The following NLGN1 variants were observed in gnomAD, a reference collection of about 807,000 sequenced individuals.
NLGN1 encodes the protein neuroligin 1, also known as neuroligin-1.
NLGN1 carries 12 observed loss-of-function variants against 65.5 expected under a neutral mutation model. The ratio of observed to expected loss-of-function variants is 0.18; its 90% CI spans 0.12 to 0.30. The LOEUF (loss-of-function observed/expected upper bound fraction) is 0.30. NLGN1 is among the 10% of genes least tolerant of loss of function. The pLI is 1.00. For synonymous variants in NLGN1, 350 were observed against 359.5 expected (o/e 0.97, Z 0.30); for missense variants, 750 against 1,007.1 (o/e 0.74, Z 3.46).
At chr3:173,997,334 C>A (rs1423330780) in intron 4 of NLGN1, among the ~76,000 whole-genome samples, 3 of 152,008 alleles carry the variant, frequency 2.0e-5, no homozygotes, top group Non-Finnish European at 4.4e-5. Context: ...AGAGGAGGCA[C>A]CAGACATCCA....
intron 2 of NLGN1, among the ~76,000 whole-genome samples, chr3:173,543,712 T>C (rs917593344): frequency 3.5e-4 from 54 of 152,270 alleles, no homozygotes; most frequent in Non-Finnish European, 1.6e-4. Flanking sequence ...TTTATTTATA[T>C]GTGCAATTTA....
In NLGN1 at chr3:173,918,396, G is replaced by A. The variant is rs547358459; in HGVS notation, c.646+110564G>A. 1.0e-3 allele frequency among the ~76,000 whole-genome samples: 159 copies of A among 152,144 alleles called. 1 individual carries two copies. The South Asian group carries it at 0.012, about 12-fold the overall frequency. On this transcript the variant is annotated intron_variant, in intron 4 of 6. Coordinates refer to ENST00000457714, the Ensembl canonical transcript of NLGN1. ...TCACACCTGTAATCCCAGCACTTTGGGGGGCCGAGGCAGGCAGATCACGAG... is the reference window on the plus strand; with the variant it reads ...TCACACCTGTAATCCCAGCACTTTGAGGGGCCGAGGCAGGCAGATCACGAG...
intron 2 of NLGN1, among the ~76,000 whole-genome samples, chr3:173,600,200 T>TCACAC (rs1187383560): frequency 0.13 from 19,140 of 144,760 alleles, 1,226 homozygotes; most frequent in Middle Eastern, 0.23. Context: ...TACATGTGTG[T>TCACAC]ACACACACAC....
intron 2 of NLGN1, among the ~76,000 whole-genome samples, chr3:173,572,249 A>T (rs1054913068): frequency 6.6e-6 from 1 of 152,164 alleles, no homozygotes; most frequent in Non-Finnish European, 1.5e-5. Context: ...GAAGGAGGGG[A>T]CCAAATATTG....
At chr3:174,019,240 A>C (rs147598823) in intron 4 of NLGN1, among the ~76,000 whole-genome samples, 1 of 152,296 alleles carries the variant, frequency 6.6e-6, no homozygotes, top group Non-Finnish European at 1.5e-5. Flanking sequence ...TGGAAACTTA[A>C]TCCCTAAATT....
chr3:173,685,131 G>A (rs997195065), intron 3 of NLGN1, among the ~76,000 whole-genome samples: 2 of 152,106 alleles, frequency 1.3e-5, no homozygotes, highest in African/African-American at 4.8e-5. Context: ...AATAATGCAT[G>A]GTTTGTGTTA....
rs1028566213 is a variant in NLGN1, at chr3:173,807,930, T to A, written c.646+98T>A. On this transcript the variant is annotated intron_variant, in intron 4 of 6. Transcript: ENST00000457714. ...GTTCTGCTTTGCTTTGTTTCACCCATTTTTTTATGCGTGTTGACATTCTCG... is the reference window on the plus strand; with the variant it reads ...GTTCTGCTTTGCTTTGTTTCACCCAATTTTTTATGCGTGTTGACATTCTCG... The A allele has an allele frequency of 2.3e-5, 28 of 1,240,746 alleles. No individual in the cohort carries two copies. In the African/African-American group the frequency reaches 3.5e-4, roughly 15 times the overall value. 76.9% of individuals were successfully genotyped at this position (1,240,746 alleles called of 1,614,324 possible).
chr3:173,618,448 C>T (rs930910718), intron 3 of NLGN1, among the ~76,000 whole-genome samples: 3 of 152,144 alleles, frequency 2.0e-5, no homozygotes, highest in South Asian at 2.1e-4. Context: ...CCTCCTTCCT[C>T]GGGCTCCCAA....
chr3:174,222,814 T>C (rs1473517822), intron 4 of NLGN1, among the ~76,000 whole-genome samples: 1 of 152,186 alleles, frequency 6.6e-6, no homozygotes, highest in African/African-American at 2.4e-5. Flanking sequence ...AGGTGTTGAT[T>C]AGACCATTCC....
chr3:173,811,933 C>A (rs1718040458), intron 4 of NLGN1, among the ~76,000 whole-genome samples: 1 of 151,606 alleles, frequency 6.6e-6, no homozygotes, highest in African/African-American at 2.4e-5. Context: ...TTTTAATACC[C>A]CTGTGAGGAT....
At chr3:173,759,036 A>C (rs1173209926) in intron 3 of NLGN1, among the ~76,000 whole-genome samples, 1 of 151,864 alleles carries the variant, frequency 6.6e-6, no homozygotes, top group African/African-American at 2.4e-5. Flanking sequence ...ATACATAGTA[A>C]GCATTATTTT....
At chr3:173,549,916 A>G (rs1382000693) in intron 2 of NLGN1, among the ~76,000 whole-genome samples, 1 of 152,080 alleles carries the variant, frequency 6.6e-6, no homozygotes, top group Non-Finnish European at 1.5e-5. Flanking sequence ...ATTATTGGTG[A>G]CATAACCTTA....
Position 173,928,210 on chromosome 3 carries a change from G to A in NLGN1, c.646+120378G>A, listed in dbSNP as rs115828826. On this transcript the variant is annotated intron_variant, in intron 4 of 6. Transcript: ENST00000457714. ...TATTTATATATGGAAACCCAGACTCGGAAAATTAATTTGTCCAGGGTCACA... is the reference window on the plus strand; with the variant it reads ...TATTTATATATGGAAACCCAGACTCAGAAAATTAATTTGTCCAGGGTCACA... Among the ~76,000 whole-genome samples, 1,139 of 152,120 alleles carry A rather than the reference G, an allele frequency of 7.5e-3. 5 individuals are homozygous for A. Among genetic ancestry groups the A allele is most frequent in the Non-Finnish European group, 0.011 (718 of 67,992 alleles).
intron 1 of NLGN1, among the ~76,000 whole-genome samples, chr3:173,422,164 TACAC>T (rs1715216472): frequency 1.4e-5 from 2 of 146,586 alleles, no homozygotes; most frequent in East Asian, 1.9e-4. Context: ...CACACACACA[TACAC>T]ACAATGGAAT....
chr3:173,866,382 G>T (rs1730165438), intron 4 of NLGN1, among the ~76,000 whole-genome samples: 1 of 151,964 alleles, frequency 6.6e-6, no homozygotes, highest in Non-Finnish European at 1.5e-5. Context: ...ACAAAAAAAG[G>T]CAGGGATTCT....
chr3:173,438,654 G>A (rs991907729), intron 2 of NLGN1, among the ~76,000 whole-genome samples: 6 of 151,950 alleles, frequency 3.9e-5, no homozygotes, highest in South Asian at 2.1e-4. Flanking sequence ...AGAAAATATA[G>A]AAAAACTGCG....
intron 3 of NLGN1, among the ~76,000 whole-genome samples, chr3:173,699,012 T>A (rs1429435229): frequency 6.6e-6 from 1 of 151,988 alleles, no homozygotes; most frequent in Non-Finnish European, 1.5e-5. Flanking sequence ...ATGCGCCACC[T>A]TGCCCAGCTA....
intron 3 of NLGN1, among the ~76,000 whole-genome samples, chr3:173,690,244 T>C (rs1765275247): frequency 6.6e-6 from 1 of 152,186 alleles, no homozygotes; most frequent in Non-Finnish European, 1.5e-5. Context: ...TTTAAAAGTC[T>C]CTACTCAAGT....
At chr3:173,897,987 G>T (rs557805820) in intron 4 of NLGN1, among the ~76,000 whole-genome samples, 46 of 152,172 alleles carry the variant, frequency 3.0e-4, no homozygotes, top group African/African-American at 1.1e-3. Flanking sequence ...ACATGTAAAA[G>T]AAATGCTTTT....
Sources: gnomAD v4.1 joint callset for allele counts (sites outside exome capture counted in the v4.1 genomes callset) on GRCh38, gnomAD v4.1.1 for gene constraint, MANE v1.5 for transcripts, NCBI Gene and HGNC (gene_info 2026-07-23, HGNC 2026-07-21) for gene names.